APLP2: variants seen among roughly 807,000 people sequenced by gnomAD.
APLP2 encodes CDEI box-binding protein.
In APLP2, 53 loss-of-function variants were observed where a neutral mutation model predicts 89.9. The observed-to-expected ratio is 0.59, with a 90% CI of 0.47 to 0.74. APLP2 has a LOEUF of 0.74. APLP2 is among the 30% of genes least tolerant of loss of function. APLP2 has a pLI of 0.00. For synonymous variants in APLP2, 372 were observed against 348.6 expected (o/e 1.07, Z -0.75); for missense variants, 973 against 975.9 (o/e 1.00, Z 0.04).
At chr11:130,137,427 G>A in intron 13 of APLP2, 1 of 848,470 alleles carries the variant, frequency 1.2e-6, no homozygotes, top group Non-Finnish European at 2.0e-6. Flanking sequence ...TGTGAGTGGG[G>A]TCAGAGCAGC....
In APLP2 at chr11:130,135,652, G is replaced by A. The variant is rs756652591; in HGVS notation, c.1774G>A (p.Glu592Lys). The change falls in exon 13 of 17, where the codon GAG (glutamate) becomes AAG (lysine). Residue 592 changes from glutamate (E) to lysine (K), a missense_variant. Transcript: ENST00000338167. Reference protein sequence around the residue: ...TPVDVRVSSEESEEIPPFHPF... With the variant: ...TPVDVRVSSEKSEEIPPFHPF... Reference sequence around the variant, plus strand: ...TGTGGACGTCCGGGTGAGCTCTGAGGAGAGTGAGGAGATCCCACCGTTCCA... The same window carrying A: ...TGTGGACGTCCGGGTGAGCTCTGAGAAGAGTGAGGAGATCCCACCGTTCCA... 43 of 1,614,056 alleles carry A rather than the reference G, an allele frequency of 2.7e-5. No individual in the cohort carries two copies. The highest frequency in any genetic ancestry group is 1.3e-4 in the Admixed American group (8 of 60,006).
intron 3 of APLP2, among the ~76,000 whole-genome samples, chr11:130,117,098 T>C (rs748540746): frequency 2.4e-4 from 36 of 152,196 alleles, no homozygotes; most frequent in Middle Eastern, 3.4e-3. Flanking sequence ...GCCACTGTAC[T>C]CCAGCCTGGG....
chr11:130,091,572 G>A (rs1357908672), intron 1 of APLP2, among the ~76,000 whole-genome samples: 2 of 142,396 alleles, frequency 1.4e-5, no homozygotes, highest in African/African-American at 2.7e-5. Flanking sequence ...CCCGGACGGG[G>A]CGGCTGGCCG....
chr11:130,092,314 C>T (rs1271542619), intron 1 of APLP2, among the ~76,000 whole-genome samples: 99 of 112,884 alleles, frequency 8.8e-4, no homozygotes, highest in Admixed American at 1.3e-3. Context: ...ACTTCCCAGA[C>T]GGGGTGGCGG....
At chr11:130,096,183 A>G (rs1019741026) in intron 1 of APLP2, among the ~76,000 whole-genome samples, 18 of 152,222 alleles carry the variant, frequency 1.2e-4, no homozygotes, top group African/African-American at 3.1e-4. Flanking sequence ...ATCCTCAACA[A>G]GAGAGGACAG....
intron 3 of APLP2, among the ~76,000 whole-genome samples, chr11:130,115,756 A>AT (rs1261843235): frequency 6.6e-6 from 1 of 152,160 alleles, no homozygotes; most frequent in Non-Finnish European, 1.5e-5. Flanking sequence ...GCCTAGGTAA[A>AT]TTTTTTTCCC....
chr11:130,082,691 T>A (rs984450758), intron 1 of APLP2: 5 of 195,442 alleles, frequency 2.6e-5, no homozygotes, highest in African/African-American at 4.7e-5. Flanking sequence ...TAAGTCAGCC[T>A]GGGCACACGC....
intron 8 of APLP2, 106 bp from the exon 9 acceptor site, chr11:130,127,660 T>C (rs1202413065): frequency 2.1e-6 from 2 of 937,884 alleles, no homozygotes; most frequent in Non-Finnish European, 3.4e-6. Flanking sequence ...TTGGTTTCCT[T>C]TTGCAGTTTC....
At chr11:130,122,269 C>T in intron 5 of APLP2, 36 bp from the exon 6 acceptor site, 1 of 1,611,358 alleles carries the variant, frequency 6.2e-7, no homozygotes, top group Non-Finnish European at 8.5e-7. Context: ...CACATAGGAG[C>T]TATTAACCTT....
rs73585106 is a variant in APLP2 at position 130,103,166 on chromosome 11, A to G, written c.106-6263A>G. On this transcript the variant is annotated intron_variant, in intron 1 of 16. Transcript: ENST00000338167. ...CTTAAGGAAATGGACAGCACATTAA[A>G]TAAGGGCATTTTCAAGGTAGAAGTA... 2.6e-3 allele frequency among the ~76,000 whole-genome samples: 390 copies of G among 152,382 alleles called. 1 individual carries two copies. The highest frequency in any genetic ancestry group is 8.9e-3 in the African/African-American group (369 of 41,596).
chr11:130,143,635 A>T lies in APLP2; in HGVS notation c.*187A>T, dbSNP rs1167996800. ...TTCCATTCTTTTAAATGGGTGAAAAATGGTAATATAACAATATATGATATA... is the reference window on the plus strand; with the variant it reads ...TTCCATTCTTTTAAATGGGTGAAAATTGGTAATATAACAATATATGATATA... On this transcript the variant is annotated 3_prime_UTR_variant, in exon 17 of 17. Transcript: ENST00000338167. 1.8e-6 allele frequency: 1 copy of T among 569,392 alleles called. No individual in the cohort carries two copies. Among genetic ancestry groups the T allele is most frequent in the African/African-American group, 1.9e-5 (1 of 53,222 alleles). The allele number at this position is 569,392 out of a possible 1,614,324, so 35.3% of individuals were successfully genotyped here.
At chr11:130,108,110 C>T (rs1948040127) in intron 1 of APLP2, among the ~76,000 whole-genome samples, 1 of 152,188 alleles carries the variant, frequency 6.6e-6, no homozygotes, top group Non-Finnish European at 1.5e-5. Context: ...ACCATAAAAA[C>T]CCCAGAAGAA....
Position 130,141,914 on chromosome 11 carries a change from C to T in APLP2, c.1999-5C>T, listed in dbSNP as rs754594751. 6.3e-6 allele frequency: 10 copies of T among 1,596,312 alleles called. No individual in the cohort carries two copies. The highest frequency in any genetic ancestry group is 4.0e-5 in the African/African-American group (3 of 74,576). Reference sequence around the variant, plus strand: ...ACTTTTTTCCACGTCTGCTTTATTACGTAGGAATCCGTGGGCCCACTGCGG... The same window carrying T: ...ACTTTTTTCCACGTCTGCTTTATTATGTAGGAATCCGTGGGCCCACTGCGG... On this transcript the variant is annotated splice_polypyrimidine_tract_variant and splice_region_variant and intron_variant, in intron 15 of 16. Transcript: ENST00000338167. The surrounding 1 kb of genome is among the most constrained non-coding windows in gnomAD (Gnocchi z 4.2).
chr11:130,122,353 G>C lies in APLP2; in HGVS notation c.762G>C (p.Val254=), dbSNP rs1565588921. ...TGGAAGACTTCACAGAAGCAGCTGT[G>C]GATGAGGATGATGAGGATGAGGAAG... ...ADLEDFTEAA[V]DEDDEDEEEG... is the part of the protein sequence containing the mutation. Residue 254 remains valine (V), a synonymous_variant, in exon 6 of 17, where the codon GTG becomes GTC. Coordinates refer to ENST00000338167, the MANE Select transcript of APLP2 (RefSeq NM_001142276.2). The C allele has an allele frequency of 6.2e-7, 1 of 1,614,112 alleles. No homozygotes were observed. Among genetic ancestry groups the C allele is most frequent in the East Asian group, 2.2e-5 (1 of 44,884 alleles).
At chr11:130,070,872 G>A in intron 1 of APLP2, 3 of 755,852 alleles carry the variant, frequency 4.0e-6, no homozygotes, top group East Asian at 5.9e-5. Flanking sequence ...CTTCGAGGTC[G>A]CACCCTGAGC....
intron 1 of APLP2, among the ~76,000 whole-genome samples, chr11:130,094,992 G>T (rs1199746658): frequency 6.6e-6 from 1 of 152,160 alleles, no homozygotes; most frequent in Non-Finnish European, 1.5e-5. Context: ...AGGGAGAATT[G>T]GTAGTCAATG....
At chr11:130,091,294 C>T (rs1342282420) in intron 1 of APLP2, among the ~76,000 whole-genome samples, 135 of 131,634 alleles carry the variant, frequency 1.0e-3, no homozygotes, top group African/African-American at 4.0e-3. Context: ...CCCTCCCGGA[C>T]GGGGCGGCTG....
rs1284805971 is a variant in APLP2, at chr11:130,123,053, A to G, written c.922+540A>G. ...AAAAGGTTGCAGTAGTTCCAGAGCC[A>G]TTAACATGCAGCCTCCTGCTGATCG... On this transcript the variant is annotated intron_variant, in intron 6 of 16. Transcript: ENST00000338167. The surrounding 1 kb of genome is among the most constrained non-coding windows in gnomAD (Gnocchi z 4.0). Among the ~76,000 whole-genome samples, 1 of 152,056 alleles carries G rather than the reference A, an allele frequency of 6.6e-6. No homozygotes were observed. The highest frequency in any genetic ancestry group is 6.5e-5 in the Admixed American group (1 of 15,276).
intron 11 of APLP2, 57 bp from the exon 12 acceptor site, chr11:130,133,572 C>G: frequency 7.7e-7 from 1 of 1,295,968 alleles, no homozygotes; most frequent in Non-Finnish European, 1.1e-6. Context: ...CTGCAAGTTC[C>G]CTCCTGGCCT....
Sources: allele counts gnomAD v4.1 joint callset (sites outside exome capture counted in the v4.1 genomes callset), GRCh38; gene constraint gnomAD v4.1.1; non-coding constraint Gnocchi (gnomAD v3.1); transcripts MANE v1.5; gene names NCBI Gene and HGNC (gene_info 2026-07-23, HGNC 2026-07-21).